Variants in UBE2W observed in about 807,000 individuals in gnomAD.
The protein encoded by UBE2W is ubiquitin conjugating enzyme E2 W.
UBE2W carries 18 observed loss-of-function variants against 27.2 expected under a neutral mutation model. The observed-to-expected ratio is 0.66, with a 90% confidence interval of 0.46 to 0.98. The LOEUF (loss-of-function observed/expected upper bound fraction) is 0.98. UBE2W is among the 50% of genes least tolerant of loss of function. The pLI, the probability that UBE2W is intolerant of heterozygous loss-of-function variation, is 0.00. For synonymous variants in UBE2W, 53 were observed against 57.2 expected (o/e 0.93, Z 0.33); for missense variants, 90 against 180.2 (o/e 0.50, Z 2.87).
chr8:73,781,007 C>T (rs569432375), intron 4 of UBE2W, among the ~76,000 whole-genome samples: 79 of 152,008 alleles, frequency 5.2e-4, no homozygotes, highest in Non-Finnish European at 9.3e-4. Flanking sequence ...CGGTGGCTCA[C>T]GCCTGTAATC....
intron 1 of UBE2W, among the ~76,000 whole-genome samples, chr8:73,845,155 G>A (rs544286903): frequency 1.1e-3 from 153 of 144,900 alleles, no homozygotes; most frequent in African/African-American, 3.4e-3. Flanking sequence ...CTGCCCGGCC[G>A]CCCTGTCTGT....
At position 73,788,198 on chromosome 8, in the gene UBE2W, C is replaced by T. The variant is rs867188133; in HGVS notation, c.*5904G>A. On this transcript the variant is annotated 3_prime_UTR_variant, in exon 6 of 6. Coordinates refer to ENST00000602593, the MANE Select transcript of UBE2W (RefSeq NM_018299.6). ...AGCAAAGTAATCTGCATTCAACTAACAAGTCTGATACATGTATTAAAAAAT... is the reference window on the plus strand; with the variant it reads ...AGCAAAGTAATCTGCATTCAACTAATAAGTCTGATACATGTATTAAAAAAT... 1 of 948,824 alleles carries T rather than the reference C, an allele frequency of 1.1e-6. No individual in the cohort carries two copies. The highest frequency in any genetic ancestry group is 1.8e-5 in the African/African-American group (1 of 56,382). The allele number at this position is 948,824 out of a possible 1,614,324, so 58.8% of individuals were successfully genotyped here. A position where few individuals can be genotyped will look rare whatever the true frequency, so the allele number is the denominator to read the frequency against.
chr8:73,839,735 T>G (rs1342291128), intron 1 of UBE2W, among the ~76,000 whole-genome samples: 2 of 149,780 alleles, frequency 1.3e-5, no homozygotes, highest in South Asian at 2.1e-4. Context: ...GGTTTTTTTT[T>G]TTTTTTTTTT....
downstream of UBE2W, among the ~76,000 whole-genome samples, chr8:73,781,815 C>T (rs1390333075): frequency 6.6e-6 from 1 of 151,748 alleles, no homozygotes; most frequent in East Asian, 1.9e-4. Context: ...TAAATTCTAG[C>T]TCCATCACAT....
Position 73,791,016 on chromosome 8 carries a change from A to C in UBE2W, c.*3086T>G. ...TATTGATATTCCTAGTCAAAACAAC[A>C]AGGAATTAAGATCTTTCTCCAGGTG... On this transcript the variant is annotated 3_prime_UTR_variant, in exon 6 of 6. Transcript: ENST00000602593. 1.2e-5 allele frequency: 12 copies of C among 982,402 alleles called. No individual in the cohort carries two copies. The highest frequency in any genetic ancestry group is 1.5e-5 in the Non-Finnish European group (12 of 827,212). The allele number at this position is 982,402 out of a possible 1,614,324, so 60.9% of individuals were successfully genotyped here.
intron 4 of UBE2W, among the ~76,000 whole-genome samples, chr8:73,808,200 A>G (rs1808999400): frequency 6.6e-6 from 1 of 152,222 alleles, no homozygotes; most frequent in South Asian, 2.1e-4. Flanking sequence ...ACCCGTTTTA[A>G]TAATAATAAA....
intron 2 of UBE2W, among the ~76,000 whole-genome samples, chr8:73,828,162 G>GT (rs1809929837): frequency 1.3e-5 from 2 of 152,050 alleles, no homozygotes; most frequent in African/African-American, 4.8e-5. Context: ...TTTAACACCC[G>GT]TGAGTACCTA....
At chr8:73,817,514 A>G (rs1418324925) in intron 3 of UBE2W, among the ~76,000 whole-genome samples, 2 of 152,050 alleles carry the variant, frequency 1.3e-5, no homozygotes, top group East Asian at 3.9e-4. Context: ...TGAGGACTTC[A>G]GAGGTTTTTT....
intron 1 of UBE2W, among the ~76,000 whole-genome samples, chr8:73,851,966 A>ATTTT (rs1563620724): frequency 2.0e-4 from 28 of 136,968 alleles, no homozygotes; most frequent in African/African-American, 8.8e-4. Context: ...TTTTTTTTAA[A>ATTTT]AAAAAAAAAA....
At position 73,816,440 on chromosome 8, in the gene UBE2W, G is replaced by A. The variant is rs1809387317; in HGVS notation, c.211-5811C>T. On this transcript the variant is annotated intron_variant, in intron 3 of 5. Coordinates refer to ENST00000602593, the MANE Select transcript of UBE2W (RefSeq NM_018299.6). ...AAATCAGACCAGGAAAAAAAGACAA[G>A]ATGAGGACATCACGAACATAGGTTC... Among the ~76,000 whole-genome samples the A allele has an allele frequency of 2.6e-5, 4 of 152,172 alleles. No homozygotes were observed. In the South Asian group the frequency reaches 6.2e-4, roughly 24 times the overall value.
chr8:73,807,434 C>T (rs930934444), intron 4 of UBE2W, among the ~76,000 whole-genome samples: 6 of 152,146 alleles, frequency 3.9e-5, no homozygotes, highest in Admixed American at 3.9e-4. Flanking sequence ...TTCTAAAACT[C>T]ATATATGTAA....
At position 73,787,948 on chromosome 8, in the gene UBE2W, G is replaced by A. The variant is rs1808028814; in HGVS notation, c.*6154C>T. The stretch of plus-strand genomic sequence containing the variant: ...CATAAAGGTGATGTGTTAAATAGAT[G>A]GTTTAAGTGACTATCTTCATTCTGT... On this transcript the variant is annotated 3_prime_UTR_variant, in exon 6 of 6. Transcript: ENST00000602593. The A allele has an allele frequency of 9.1e-6, 9 of 984,988 alleles. No homozygotes were observed. Among genetic ancestry groups the A allele is most frequent in the Non-Finnish European group, 1.1e-5 (9 of 829,640 alleles). The allele number at this position is 984,988 out of a possible 1,614,324, so 61.0% of individuals were successfully genotyped here. A position where few individuals can be genotyped will look rare whatever the true frequency, so the allele number is the denominator to read the frequency against.
chr8:73,780,347 A>C (rs1488473930), exon 5 of UBE2W: 2 of 337,618 alleles, frequency 5.9e-6, no homozygotes, highest in Non-Finnish European at 1.2e-5. Flanking sequence ...GTTATATTGG[A>C]TTAAGGCCAC....
chr8:73,848,204 G>GTAAATAAATAAA lies in UBE2W; in HGVS notation c.16-17744_16-17733dup, dbSNP rs1161054554. ...AAAAACTGTGTCTCAAAATAAATAAGTAAATAAATAAATAAATAAATAATT... is the reference window on the plus strand; with the variant it reads ...AAAAACTGTGTCTCAAAATAAATAAGTAAATAAATAAATAAATAAATAAATAAATAAATAATT... On this transcript the variant is annotated intron_variant, in intron 1 of 5. Transcript: ENST00000602593. 3.9e-3 allele frequency among the ~76,000 whole-genome samples: 589 copies of GTAAATAAATAAA among 151,922 alleles called. 5 individuals carry two copies. Among genetic ancestry groups the GTAAATAAATAAA allele is most frequent in the African/African-American group, 0.014 (566 of 41,380 alleles).
At chr8:73,844,349 G>A (rs990446261) in intron 1 of UBE2W, among the ~76,000 whole-genome samples, 1 of 152,224 alleles carries the variant, frequency 6.6e-6, no homozygotes, top group Admixed American at 6.5e-5. Flanking sequence ...GGGTTTCGCC[G>A]TGTTGGCTGG....
In UBE2W at chr8:73,791,283, A is replaced by G. The variant is rs1808182527; in HGVS notation, c.*2819T>C. On this transcript the variant is annotated 3_prime_UTR_variant, in exon 6 of 6. Transcript: ENST00000602593. Reference sequence around the variant, plus strand: ...TTGACCAAAGAAAAAAAAAAAAAAGAAGGGCATCATGTTCATGATCTAAGC... The same window carrying G: ...TTGACCAAAGAAAAAAAAAAAAAAGGAGGGCATCATGTTCATGATCTAAGC... The G allele has an allele frequency of 3.1e-6, 3 of 981,294 alleles. No homozygotes were observed. Among genetic ancestry groups the G allele is most frequent in the Non-Finnish European group, 3.6e-6 (3 of 827,718 alleles). 60.8% of individuals were successfully genotyped at this position (981,294 alleles called of 1,614,324 possible). A position where few individuals can be genotyped will look rare whatever the true frequency, so the allele number is the denominator to read the frequency against.
chr8:73,832,296 G>C (rs1462536672), intron 1 of UBE2W, among the ~76,000 whole-genome samples: 1 of 151,916 alleles, frequency 6.6e-6, no homozygotes. Flanking sequence ...GTGAGATTCT[G>C]TCTCAAAAAT....
intron 1 of UBE2W, among the ~76,000 whole-genome samples, chr8:73,869,421 T>C (rs1320704029): frequency 6.6e-6 from 1 of 152,074 alleles, no homozygotes; most frequent in Non-Finnish European, 1.5e-5. Context: ...CTGGGCACAG[T>C]GGCTCACACC....
At position 73,790,785 on chromosome 8, in the gene UBE2W, AC is replaced by A. The variant is rs745776449; in HGVS notation, c.*3316del. 10 of 981,808 alleles carry A rather than the reference AC, an allele frequency of 1.0e-5. No homozygotes were observed. Among genetic ancestry groups the A allele is most frequent in the Non-Finnish European group, 1.2e-5 (10 of 826,678 alleles). The allele number at this position is 981,808 out of a possible 1,614,324, so 60.8% of individuals were successfully genotyped here. A position where few individuals can be genotyped will look rare whatever the true frequency, so the allele number is the denominator to read the frequency against. On this transcript the variant is annotated 3_prime_UTR_variant, in exon 6 of 6. Coordinates refer to ENST00000602593, the MANE Select transcript of UBE2W (RefSeq NM_018299.6). ...GAAACAAGTAATATGTAGTTACATA[AC>A]CATTTTCATATCACTACTCATTTCC...
Sources: gnomAD v4.1 joint callset for allele counts (sites outside exome capture counted in the v4.1 genomes callset) on GRCh38, gnomAD v4.1.1 for gene constraint, MANE v1.5 for transcripts, NCBI Gene and HGNC (gene_info 2026-07-23, HGNC 2026-07-21) for gene names.